The following NRXN1 variants were observed in gnomAD, a reference collection of about 807,000 sequenced individuals.
NRXN1 encodes the protein neurexin-1.
A neutral mutation model predicts 150.9 loss-of-function variants in NRXN1; 39 were observed. The ratio of observed to expected loss-of-function variants is 0.26; its 90% CI spans 0.20 to 0.34. The LOEUF (loss-of-function observed/expected upper bound fraction) is 0.34. NRXN1 is among the 10% of genes least tolerant of loss of function. NRXN1 has a pLI of 1.00. For missense variants in NRXN1, 1,815 were observed against 1,949.9 expected, an observed-to-expected ratio of 0.93 and a Z score of 1.30; for synonymous variants, 924 against 757.0, an observed-to-expected ratio of 1.22 and a Z score of -3.62.
intron 17 of NRXN1, among the ~76,000 whole-genome samples, chr2:50,250,139 T>C (rs1391522298): frequency 6.6e-6 from 1 of 152,182 alleles, no homozygotes; most frequent in Admixed American, 6.5e-5. Flanking sequence ...GCTAATTGCT[T>C]CTCTATTCAA....
chr2:50,794,200 A>G (rs1251914053), intron 5 of NRXN1, among the ~76,000 whole-genome samples: 1 of 152,082 alleles, frequency 6.6e-6, no homozygotes, highest in Admixed American at 6.6e-5. Flanking sequence ...TCCGACTGAA[A>G]CAGGCTTGAC....
intron 17 of NRXN1, among the ~76,000 whole-genome samples, chr2:50,250,624 A>G (rs1291883476): frequency 6.6e-6 from 1 of 152,100 alleles, no homozygotes; most frequent in Non-Finnish European, 1.5e-5. Context: ...ATTCTATGAA[A>G]TGCAAATTTC....
intron 5 of NRXN1, among the ~76,000 whole-genome samples, chr2:50,707,937 G>T (rs1236233621): frequency 6.6e-6 from 1 of 152,152 alleles, no homozygotes; most frequent in African/African-American, 2.4e-5. Flanking sequence ...AACAATGTTA[G>T]AGTTGTCTAT....
chr2:50,212,723 A>C (rs914164217), intron 18 of NRXN1, among the ~76,000 whole-genome samples: 9 of 151,912 alleles, frequency 5.9e-5, no homozygotes, highest in African/African-American at 2.2e-4. Flanking sequence ...AGCTTGAAAG[A>C]AAAACCAAGG....
chr2:49,968,740 A>G (rs577115131), intron 21 of NRXN1, among the ~76,000 whole-genome samples: 2 of 152,216 alleles, frequency 1.3e-5, no homozygotes, highest in East Asian at 3.9e-4. Flanking sequence ...GCTACCTTGA[A>G]ATATATAGAA....
chr2:50,976,983 T>C (rs1695944361), intron 2 of NRXN1, among the ~76,000 whole-genome samples: 1 of 152,024 alleles, frequency 6.6e-6, no homozygotes, highest in African/African-American at 2.4e-5. Context: ...AACAGGTCAT[T>C]TGAAATTTTG....
intron 5 of NRXN1, among the ~76,000 whole-genome samples, chr2:50,682,146 G>A (rs983774845): frequency 3.9e-5 from 6 of 152,080 alleles, no homozygotes; most frequent in African/African-American, 1.4e-4. Context: ...TTCACACCTG[G>A]ATTAATTAAT....
intron 2 of NRXN1, among the ~76,000 whole-genome samples, chr2:50,992,679 C>T (rs574928343): frequency 2.0e-5 from 3 of 151,896 alleles, no homozygotes; most frequent in East Asian, 1.9e-4. Flanking sequence ...TTTGCCTCTC[C>T]GATTCCTTTT....
At chr2:50,302,675 T>C (rs893823180) in intron 17 of NRXN1, among the ~76,000 whole-genome samples, 3 of 152,194 alleles carry the variant, frequency 2.0e-5, no homozygotes, top group Admixed American at 2.0e-4. Flanking sequence ...ATTAATACTT[T>C]GTTTCTGCAA....
chr2:50,107,485 A>G (rs769862809), intron 18 of NRXN1, among the ~76,000 whole-genome samples: 18 of 147,204 alleles, frequency 1.2e-4, no homozygotes, highest in Non-Finnish European at 2.7e-4. Flanking sequence ...TTACTCTCCC[A>G]TCACAATTAT....
rs572899313 is a variant in NRXN1 at position 50,165,161 on chromosome 2, T to G, written c.3546+71628A>C. On this transcript the variant is annotated intron_variant, in intron 18 of 22. Transcript: ENST00000401669. ...GACCTCAGTGGGTAACTGAGCTTCA[T>G]GTGGAGAAGTATGAAGTAGAAGGTG... Among the ~76,000 whole-genome samples the G allele has an allele frequency of 1.2e-4, 18 of 152,176 alleles. No homozygotes were observed. The South Asian group carries it at 3.5e-3, about 30-fold the overall frequency.
intron 18 of NRXN1, among the ~76,000 whole-genome samples, chr2:50,222,394 T>C (rs918786203): frequency 6.6e-6 from 1 of 152,000 alleles, no homozygotes. Context: ...TAAGAAATAA[T>C]GAGACCAATT....
chr2:49,983,535 T>A (rs1445925214), intron 21 of NRXN1, among the ~76,000 whole-genome samples: 1 of 152,188 alleles, frequency 6.6e-6, no homozygotes, highest in Non-Finnish European at 1.5e-5. Context: ...CCTTTGCTGA[T>A]GACTTTCAGG....
At chr2:51,021,485 C>T (rs1272735185) in intron 2 of NRXN1, among the ~76,000 whole-genome samples, 1 of 151,834 alleles carries the variant, frequency 6.6e-6, no homozygotes, top group African/African-American at 2.4e-5. Flanking sequence ...GATAACTATA[C>T]TTTTAGTAAT....
rs565333297 is a variant in NRXN1, at chr2:50,095,658, C to T, written c.3547-4164G>A. 3.9e-5 allele frequency among the ~76,000 whole-genome samples: 6 copies of T among 151,970 alleles called. No individual in the cohort carries two copies. The East Asian group carries it at 1.2e-3, about 29-fold the overall frequency. On this transcript the variant is annotated intron_variant, in intron 18 of 22. Transcript: ENST00000401669. Reference sequence around the variant, plus strand: ...ATATGAAATGCAAAATGCTCATTTTCTAGGTGCAGAAATCTCCAGATTTCA... The same window carrying T: ...ATATGAAATGCAAAATGCTCATTTTTTAGGTGCAGAAATCTCCAGATTTCA...
chr2:50,272,145 T>C lies in NRXN1; in HGVS notation c.3365-35175A>G, dbSNP rs567585305. 2.6e-5 allele frequency among the ~76,000 whole-genome samples: 4 copies of C among 152,326 alleles called. No homozygotes were observed. The East Asian group carries it at 5.8e-4, about 22-fold the overall frequency. The stretch of plus-strand genomic sequence containing the variant: ...CAGAGAACACACAGGCTGGCTGTTT[T>C]GCATGAAATAGATGATGATTTAGCA... On this transcript the variant is annotated intron_variant, in intron 17 of 22. Coordinates refer to ENST00000401669, the MANE Select transcript of NRXN1 (RefSeq NM_001330078.2).
chr2:51,006,594 T>C (rs190587594), intron 2 of NRXN1, among the ~76,000 whole-genome samples: 3 of 151,902 alleles, frequency 2.0e-5, no homozygotes, highest in Non-Finnish European at 2.9e-5. Context: ...TATAGTCTTA[T>C]AATAACCTTC....
intron 18 of NRXN1, among the ~76,000 whole-genome samples, chr2:50,109,243 G>C (rs986509342): frequency 1.3e-4 from 20 of 152,080 alleles, no homozygotes; most frequent in Non-Finnish European, 2.4e-4. Context: ...AACTATATTT[G>C]TAATCTTGAA....
chr2:49,952,708 A>G (rs527599307), intron 21 of NRXN1, among the ~76,000 whole-genome samples: 66 of 152,216 alleles, frequency 4.3e-4, no homozygotes, highest in African/African-American at 1.6e-3. Context: ...ACAAAATTAA[A>G]TCAATGAACT....
Sources: allele counts gnomAD v4.1 joint callset (sites outside exome capture counted in the v4.1 genomes callset), GRCh38; gene constraint gnomAD v4.1.1; transcripts MANE v1.5; gene names NCBI Gene and HGNC (gene_info 2026-07-23, HGNC 2026-07-21).